The following KCNJ3 variants were observed in gnomAD, a reference collection of about 807,000 sequenced individuals.
KCNJ3 encodes potassium inwardly rectifying channel subfamily J member 3.
KCNJ3 carries 4 observed loss-of-function variants against 39.2 expected under a neutral mutation model. The observed-to-expected ratio is 0.10, with a 90% CI of 0.05 to 0.23. KCNJ3 has a LOEUF of 0.23. Among genes scored for constraint, KCNJ3 ranks in the 10% least tolerant of loss-of-function variants. KCNJ3 has a pLI of 1.00. For synonymous variants in KCNJ3, 230 were observed against 237.4 expected, an observed-to-expected ratio of 0.97 and a Z score of 0.29; for missense variants, 276 against 634.9, an observed-to-expected ratio of 0.43 and a Z score of 6.08.
In KCNJ3 at chr2:154,699,105, C is replaced by T; in HGVS notation, c.330C>T (p.Gly110=). Residue 110 remains glycine (G), a synonymous_variant, in exon 1 of 3, where the codon GGC becomes GGT. Coordinates refer to ENST00000295101, the MANE Select transcript of KCNJ3 (RefSeq NM_002239.4). The surrounding 1 kb of genome is among the most constrained non-coding windows in gnomAD (Gnocchi z 6.4). The part of the protein sequence containing the change: ...SMWWVIAYTR[G]DLNKAHVGNY... ...GGTGGGTGATCGCCTACACTCGGGG[C>T]GACCTGAACAAAGCCCACGTCGGTA... The T allele has an allele frequency of 3.1e-6, 5 of 1,614,234 alleles. No homozygotes were observed. The highest frequency in any genetic ancestry group is 1.7e-6 in the Non-Finnish European group (2 of 1,180,046).
chr2:154,716,153 G>C (rs1475631941), intron 2 of KCNJ3, among the ~76,000 whole-genome samples: 1 of 151,840 alleles, frequency 6.6e-6, no homozygotes. Flanking sequence ...CTGGAGTGCA[G>C]TGGTGCGATC....
intron 2 of KCNJ3, among the ~76,000 whole-genome samples, chr2:154,844,672 G>A (rs1014403166): frequency 7.2e-5 from 11 of 151,796 alleles, no homozygotes; most frequent in African/African-American, 2.7e-4. Context: ...CCCTCCCCTA[G>A]CCAGGCTACC....
intron 2 of KCNJ3, among the ~76,000 whole-genome samples, chr2:154,845,892 C>G (rs913559690): frequency 6.8e-6 from 1 of 146,652 alleles, no homozygotes; most frequent in Admixed American, 6.7e-5. Context: ...ATCACTTGAA[C>G]CTGGGAGGTG....
At chr2:154,746,976 A>G (rs1685756192) in intron 2 of KCNJ3, among the ~76,000 whole-genome samples, 1 of 151,918 alleles carries the variant, frequency 6.6e-6, no homozygotes, top group Admixed American at 6.6e-5. Flanking sequence ...AAGAACTTCA[A>G]ACAGGAAAAC....
At chr2:154,844,852 A>G (rs948040057) in intron 2 of KCNJ3, among the ~76,000 whole-genome samples, 19 of 152,130 alleles carry the variant, frequency 1.2e-4, no homozygotes, top group Non-Finnish European at 2.4e-4. Flanking sequence ...GTAGTCTGCC[A>G]TGGCTTCCCA....
chr2:154,807,210 A>G (rs1426466183), intron 2 of KCNJ3, among the ~76,000 whole-genome samples: 1 of 152,162 alleles, frequency 6.6e-6, no homozygotes, highest in African/African-American at 2.4e-5. Flanking sequence ...TGAGGACTAC[A>G]GGATTGATTA....
intron 1 of KCNJ3, among the ~76,000 whole-genome samples, chr2:154,708,307 A>G (rs1233874979): frequency 6.6e-6 from 1 of 152,140 alleles, no homozygotes; most frequent in African/African-American, 2.4e-5. Context: ...GGAACCCTTC[A>G]TTCTGTTTTG....
At chr2:154,783,086 G>C (rs1686467015) in intron 2 of KCNJ3, among the ~76,000 whole-genome samples, 2 of 152,112 alleles carry the variant, frequency 1.3e-5, no homozygotes, top group Admixed American at 6.5e-5. Context: ...GCTGAGGCAG[G>C]AGAATAGCTT....
intron 2 of KCNJ3, among the ~76,000 whole-genome samples, chr2:154,767,168 T>C (rs1410878214): frequency 6.6e-6 from 1 of 151,652 alleles, no homozygotes; most frequent in Non-Finnish European, 1.5e-5. Flanking sequence ...TTGTGCTAAC[T>C]GCTAGTACAT....
chr2:154,705,477 C>T (rs1318938333), intron 1 of KCNJ3, among the ~76,000 whole-genome samples: 1 of 152,084 alleles, frequency 6.6e-6, no homozygotes, highest in Non-Finnish European at 1.5e-5. Flanking sequence ...CTTTTTCCAC[C>T]TATAGTCAGA....
chr2:154,788,846 T>G (rs959259182), intron 2 of KCNJ3, among the ~76,000 whole-genome samples: 4 of 151,730 alleles, frequency 2.6e-5, no homozygotes, highest in Non-Finnish European at 5.9e-5. Flanking sequence ...TTTCAAGAAG[T>G]GAGGCAGCAT....
intron 2 of KCNJ3, among the ~76,000 whole-genome samples, chr2:154,736,714 GACAA>G (rs1685553393): frequency 6.6e-6 from 1 of 152,050 alleles, no homozygotes; most frequent in African/African-American, 2.4e-5. Context: ...GAGTAACAGG[GACAA>G]AGTGTACTCT....
intron 2 of KCNJ3, among the ~76,000 whole-genome samples, chr2:154,729,736 AT>A (rs935587501): frequency 6.6e-6 from 1 of 152,244 alleles, no homozygotes; most frequent in African/African-American, 2.4e-5. Context: ...TACAGACTAC[AT>A]AAATCAATTT....
At chr2:154,727,211 C>CT (rs1237569764) in intron 2 of KCNJ3, among the ~76,000 whole-genome samples, 1 of 152,106 alleles carries the variant, frequency 6.6e-6, no homozygotes, top group Non-Finnish European at 1.5e-5. Flanking sequence ...CTTAACAATA[C>CT]TTTTAACTTT....
At chr2:154,794,774 A>G (rs1351757411) in intron 2 of KCNJ3, among the ~76,000 whole-genome samples, 1 of 152,028 alleles carries the variant, frequency 6.6e-6, no homozygotes, top group Non-Finnish European at 1.5e-5. Flanking sequence ...CTCATTTTCA[A>G]TCAAAGATAG....
intron 2 of KCNJ3, among the ~76,000 whole-genome samples, chr2:154,819,203 TGACCA>T (rs1473829197): frequency 6.6e-6 from 1 of 152,088 alleles, no homozygotes; most frequent in Non-Finnish European, 1.5e-5. Context: ...ATGAAAGGTA[TGACCA>T]GAGGCTGAAA....
At chr2:154,742,432 A>G (rs1465730561) in intron 2 of KCNJ3, among the ~76,000 whole-genome samples, 2 of 151,832 alleles carry the variant, frequency 1.3e-5, no homozygotes, top group Non-Finnish European at 2.9e-5. Flanking sequence ...ATTTTATTCT[A>G]AATTTTTGGA....
intron 2 of KCNJ3, among the ~76,000 whole-genome samples, chr2:154,740,098 T>C (rs1281130540): frequency 6.6e-6 from 1 of 152,086 alleles, no homozygotes; most frequent in East Asian, 1.9e-4. Context: ...AGATTATTTT[T>C]CATTTTTAAT....
At chr2:154,756,631 T>C (rs1685941576) in intron 2 of KCNJ3, among the ~76,000 whole-genome samples, 1 of 151,942 alleles carries the variant, frequency 6.6e-6, no homozygotes, top group African/African-American at 2.4e-5. Flanking sequence ...TTTGGTTTTC[T>C]GGATAGCATT....
Sources: gnomAD v4.1 joint callset for allele counts (sites outside exome capture counted in the v4.1 genomes callset) on GRCh38, gnomAD v4.1.1 for gene constraint, Gnocchi (gnomAD v3.1) non-coding constraint, MANE v1.5 for transcripts, NCBI Gene and HGNC (gene_info 2026-07-23, HGNC 2026-07-21) for gene names.